SPC25: variants seen among roughly 807,000 people sequenced by gnomAD.
The protein encoded by SPC25 is SPC25 component of NDC80 kinetochore complex.
Under a neutral mutation model 29.6 loss-of-function variants are expected in SPC25, and 22 were observed. That is an observed-to-expected ratio of 0.74 (90% CI 0.53 to 1.06). The LOEUF (loss-of-function observed/expected upper bound fraction) is 1.06. SPC25 is among the 50% of genes least tolerant of loss of function. The pLI is 0.00. For missense variants in SPC25, 230 were observed against 255.8 expected (o/e 0.90, Z 0.69); for synonymous variants, 91 against 90.4 (o/e 1.01, Z -0.04).
In SPC25 at chr2:168,873,639, G is replaced by C. The variant is rs748111561; in HGVS notation, c.496C>G (p.Pro166Ala). 1 of 1,611,674 alleles carries C rather than the reference G, an allele frequency of 6.2e-7. No homozygotes were observed. Among genetic ancestry groups the C allele is most frequent in the Admixed American group, 1.7e-5 (1 of 59,926 alleles). The change falls in exon 6 of 7, where the codon CCT becomes GCT. Residue 166 changes from proline (P) to alanine (A), a missense_variant. Pro to Ala is a conservative substitution (Grantham distance 27). Coordinates refer to ENST00000282074, the MANE Select transcript of SPC25 (RefSeq NM_020675.4). ...AAGGAAAACATAAATGGGCTCTCAG[G>C]ATTCTTAGGGTCAATATTAGTGAAA... Reference protein sequence around the residue: ...FIFTNIDPKNPESPFMFSLHL... With the variant: ...FIFTNIDPKNAESPFMFSLHL...
At chr2:168,887,330 G>A (rs1307223482) in intron 3 of SPC25, among the ~76,000 whole-genome samples, 4 of 151,822 alleles carry the variant, frequency 2.6e-5, no homozygotes, top group African/African-American at 4.8e-5. Flanking sequence ...GCTGAGGCAG[G>A]AGAATCACTT....
intron 4 of SPC25, among the ~76,000 whole-genome samples, chr2:168,862,967 C>A (rs1015078195): frequency 1.3e-5 from 2 of 152,108 alleles, no homozygotes; most frequent in Non-Finnish European, 1.5e-5. Flanking sequence ...TGGGTGTTTC[C>A]TTTGCAGCAT....
intron 4 of SPC25, chr2:168,863,636 T>G: frequency 1.0e-6 from 1 of 980,394 alleles, no homozygotes; most frequent in Non-Finnish European, 1.2e-6. Context: ...GGGAGTTACA[T>G]TTTGAATGGG....
chr2:168,882,348 T>C (rs1274002241), intron 3 of SPC25, among the ~76,000 whole-genome samples: 1 of 152,246 alleles, frequency 6.6e-6, no homozygotes, highest in Non-Finnish European at 1.5e-5. Context: ...GGCTCACGCC[T>C]GTAATCCCTG....
At chr2:168,866,482 TG>T (rs987684374), downstream of SPC25, among the ~76,000 whole-genome samples, 82 of 152,340 alleles carry the variant, frequency 5.4e-4, no homozygotes, top group African/African-American at 1.9e-3. Context: ...TAATTCAAGA[TG>T]GATTAAAGAC....
downstream of SPC25, among the ~76,000 whole-genome samples, chr2:168,869,755 C>A (rs1203463705): frequency 1.3e-5 from 2 of 152,152 alleles, no homozygotes; most frequent in Admixed American, 1.3e-4. Flanking sequence ...TAGGAAGAAT[C>A]AATATCATGA....
chr2:168,882,465 C>A (rs924528926), intron 3 of SPC25, among the ~76,000 whole-genome samples: 1 of 152,130 alleles, frequency 6.6e-6, no homozygotes, highest in Non-Finnish European at 1.5e-5. Flanking sequence ...ATGAGCTGGG[C>A]GTGGTGGCGT....
chr2:168,880,135 A>C (rs772354696), intron 3 of SPC25, among the ~76,000 whole-genome samples: 25 of 152,326 alleles, frequency 1.6e-4, no homozygotes, highest in Non-Finnish European at 3.5e-4. Flanking sequence ...TAGTCACTAA[A>C]GAGTCAGCCT....
rs1474349907 is a variant in SPC25, at chr2:168,871,314, C to A, written c.*117G>T. 8.0e-6 allele frequency: 8 copies of A among 1,002,824 alleles called. No homozygotes were observed. The highest frequency in any genetic ancestry group is 6.1e-5 in the Admixed American group (2 of 32,980). 62.1% of individuals were successfully genotyped at this position (1,002,824 alleles called of 1,614,324 possible). ...GCACATGTATACATATGTAACAAAC[C>A]TGCACATTGTGCACATGTACCCTAA... On this transcript the variant is annotated 3_prime_UTR_variant, in exon 7 of 7. Transcript: ENST00000282074.
At chr2:168,869,013 C>T (rs1206692781), downstream of SPC25, among the ~76,000 whole-genome samples, 1 of 152,196 alleles carries the variant, frequency 6.6e-6, no homozygotes, top group Admixed American at 6.5e-5. Context: ...CCACCATGAT[C>T]AAGTGGGTTT....
downstream of SPC25, among the ~76,000 whole-genome samples, chr2:168,870,600 GA>G (rs1689960947): frequency 6.6e-6 from 1 of 151,158 alleles, no homozygotes; most frequent in Non-Finnish European, 1.5e-5. Context: ...AAAATCACAT[GA>G]AAAAATGCTC....
In SPC25 at chr2:168,870,907, C is replaced by T. The variant is rs1345860583; in HGVS notation, c.*524G>A. 1.3e-5 allele frequency: 2 copies of T among 151,494 alleles called. No individual in the cohort carries two copies. The highest frequency in any genetic ancestry group is 2.5e-5 in the African/African-American group (1 of 40,804). The allele number at this position is 151,494 out of a possible 1,614,324, so 9.4% of individuals were successfully genotyped here. On this transcript the variant is annotated 3_prime_UTR_variant, in exon 7 of 7. Coordinates refer to ENST00000282074, the MANE Select transcript of SPC25 (RefSeq NM_020675.4). ...ATGCTGCTATAAAGACACATGCACA[C>T]GTATGTTTATTTCGGCACTATTCAC...
downstream of SPC25, among the ~76,000 whole-genome samples, chr2:168,866,359 A>C (rs1398716161): frequency 6.6e-6 from 1 of 152,302 alleles, no homozygotes; most frequent in Non-Finnish European, 1.5e-5. Context: ...CAAACCTGAC[A>C]AAAACAAGCA....
chr2:168,869,958 C>A (rs1162387549), downstream of SPC25, among the ~76,000 whole-genome samples: 1 of 152,026 alleles, frequency 6.6e-6, no homozygotes, highest in African/African-American at 2.4e-5. Context: ...TTCAAACTAT[C>A]CTACAAGGCT....
intron 3 of SPC25, among the ~76,000 whole-genome samples, chr2:168,880,570 C>T (rs1314428287): frequency 1.3e-5 from 2 of 152,212 alleles, no homozygotes; most frequent in Non-Finnish European, 2.9e-5. Context: ...TCTTATCATT[C>T]GTGTGTTCAC....
At chr2:168,861,890 C>T (rs1689473622) in intron 4 of SPC25, 5 of 1,399,570 alleles carry the variant, frequency 3.6e-6, no homozygotes, top group Admixed American at 3.7e-5. Context: ...TGTTAAATAA[C>T]CAAAGAGCTT....
At chr2:168,889,604 T>C in intron 1 of SPC25, 71 bp from the exon 2 acceptor site, 2 of 1,467,160 alleles carry the variant, frequency 1.4e-6, no homozygotes, top group Non-Finnish European at 1.8e-6. Flanking sequence ...CAATCGGGTA[T>C]ACAGTATTTT....
Position 168,873,670 on chromosome 2 carries a change from CT to C in SPC25, c.464del (p.Gln155ArgfsTer40). On this transcript the variant is annotated frameshift_variant, in exon 6 of 7. Transcript: ENST00000282074. LOFTEE classifies it high-confidence loss of function. ...EIRKIYGEKL[Q>X]FIFTNIDPKN... ...TAGGGTCAATATTAGTGAAAATAAA[CT>C]GCAATTTCTCACCTGAAAAGAGATT... The C allele has an allele frequency of 6.2e-7, 1 of 1,609,464 alleles. No homozygotes were observed.
At chr2:168,864,848 A>G (rs748875287) in intron 4 of SPC25, 1 of 1,613,972 alleles carries the variant, frequency 6.2e-7, no homozygotes, top group East Asian at 2.2e-5. Context: ...CATTGTGATT[A>G]TACACGAGAA....
Sources: gnomAD v4.1 joint callset for allele counts (sites outside exome capture counted in the v4.1 genomes callset) on GRCh38, gnomAD v4.1.1 for gene constraint, MANE v1.5 for transcripts, NCBI Gene and HGNC (gene_info 2026-07-23, HGNC 2026-07-21) for gene names.